Variants in MYB observed in about 807,000 individuals in gnomAD.
MYB encodes MYB proto-oncogene, transcription factor, also known as transcriptional activator Myb.
In MYB, 28 loss-of-function variants were observed where a neutral mutation model predicts 92.9. That is an observed-to-expected ratio of 0.30 (90% CI 0.22 to 0.41). The LOEUF is 0.41. Ranked by LOEUF, MYB falls within the 10% of genes least tolerant of loss-of-function variation. The pLI, the probability that MYB is intolerant of heterozygous loss-of-function variation, is 1.00. For synonymous variants in MYB, 295 were observed against 329.1 expected, an observed-to-expected ratio of 0.90 and a Z score of 1.12; for missense variants, 679 against 929.3, an observed-to-expected ratio of 0.73 and a Z score of 3.50.
chr6:135,210,739 C>A (rs1172279893), intron 15 of MYB, among the ~76,000 whole-genome samples: 1 of 152,162 alleles, frequency 6.6e-6, no homozygotes, highest in Non-Finnish European at 1.5e-5. Flanking sequence ...ATGGAATATC[C>A]TTCACTCATC....
chr6:135,183,954 T>C (rs1363761343), intron 1 of MYB, among the ~76,000 whole-genome samples: 1 of 152,214 alleles, frequency 6.6e-6, no homozygotes, highest in African/African-American at 2.4e-5. Flanking sequence ...GTCATACAGC[T>C]AGGTGGAGGC....
chr6:135,182,896 C>T lies in MYB; in HGVS notation c.23+1360C>T, dbSNP rs1313332129. Among the ~76,000 whole-genome samples the T allele has an allele frequency of 1.3e-5, 2 of 151,814 alleles. No homozygotes were observed. The highest frequency in any genetic ancestry group is 4.8e-5 in the African/African-American group (2 of 41,318). ...ACGAGAGGGCGACTTGGGGGAGCTC[C>T]GGGCTCCCTATGCCTACTCCGGAGC... On this transcript the variant is annotated intron_variant, in intron 1 of 15. Transcript: ENST00000341911. The surrounding 1 kb of genome is among the most constrained non-coding windows in gnomAD (Gnocchi z 5.6).
chr6:135,201,596 AG>A, intron 13 of MYB, 42 bp from the exon 14 acceptor site: 1 of 1,338,310 alleles, frequency 7.5e-7, no homozygotes, highest in Non-Finnish European at 1.1e-6. Context: ...CATGTTTCAT[AG>A]GAAGTTCTAG....
intron 10 of MYB, among the ~76,000 whole-genome samples, chr6:135,197,919 G>A (rs1381220012): frequency 6.6e-6 from 1 of 152,156 alleles, no homozygotes; most frequent in Non-Finnish European, 1.5e-5. Flanking sequence ...TTTTACTAGT[G>A]CAGTTTTTGC....
At position 135,197,165 on chromosome 6, in the gene MYB, G is replaced by A; in HGVS notation, c.1408G>A (p.Ala470Thr). 6.2e-7 allele frequency: 1 copy of A among 1,613,924 alleles called. No individual in the cohort carries two copies. The highest frequency in any genetic ancestry group is 8.5e-7 in the Non-Finnish European group (1 of 1,179,876). Residue 470 changes from alanine to threonine, a missense_variant, in exon 10 of 16, where the codon GCA (alanine) becomes ACA (threonine). By Grantham distance (58) the Ala-to-Thr change is moderately conservative (BLOSUM62 0). Transcript: ENST00000341911. ...TGACCCACCCAAGGTCTTACCTCCT[G>A]CAAGGCACAGCACAATTCCACTGGT... The part of the protein sequence containing the change: ...SLDPPKVLPP[A>T]RHSTIPLVIL...
chr6:135,217,895 G>A lies in MYB; in HGVS notation c.2201G>A (p.Cys734Tyr), dbSNP rs61753805. ...AGCAGTACCTGGGAACCTGCATCCT[G>A]TGGAAAGATGGAGGAGCAGATGACA... ...PCSSTWEPAS[C>Y]GKMEEQMTSS... The change falls in exon 16 of 16, where the codon TGT becomes TAT. Residue 734 changes from cysteine (C) to tyrosine (Y), a missense_variant. By Grantham distance (194) the Cys-to-Tyr change is radical. Coordinates refer to ENST00000341911, the MANE Select transcript of MYB (RefSeq NM_001130173.2). 1.2e-5 allele frequency: 20 copies of A among 1,613,056 alleles called. No individual in the cohort carries two copies. Among genetic ancestry groups the A allele is most frequent in the Admixed American group, 1.7e-5 (1 of 59,938 alleles).
chr6:135,187,725 A>G lies in MYB; in HGVS notation c.142-109A>G, dbSNP rs1776107668. On this transcript the variant is annotated intron_variant, in intron 2 of 15. Transcript: ENST00000341911. ...TTACATTAATATCTCCTGTATTCGG[A>G]TACTTTAGAGAGACTTTTTATTCTA... The G allele has an allele frequency of 9.9e-6, 6 of 606,082 alleles. No homozygotes were observed. The South Asian group carries it at 1.4e-4, about 15-fold the overall frequency. 37.5% of individuals were successfully genotyped at this position (606,082 alleles called of 1,614,324 possible).
Position 135,187,888 on chromosome 6 carries a change from A to G in MYB, c.196A>G (p.Ile66Val). Residue 66 changes from isoleucine (I) to valine (V), a missense_variant, in exon 3 of 16, where the codon ATT becomes GTT. Physicochemically the swap from Ile to Val is conservative, Grantham distance 29 (BLOSUM62 3). Around this residue, in one of 8 missense-constraint regions of MYB, gnomAD observed 88 missense variants for 145.6 expected, o/e 0.60. Coordinates refer to ENST00000341911, the MANE Select transcript of MYB (RefSeq NM_001130173.2). ...EQNGTDDWKV[I>V]ANYLPNRTDV... Reference sequence around the variant, plus strand: ...GAATGGAACAGATGACTGGAAAGTTATTGCCAATTATCTCCCGGTAAGTTA... The same window carrying G: ...GAATGGAACAGATGACTGGAAAGTTGTTGCCAATTATCTCCCGGTAAGTTA... 6.2e-7 allele frequency: 1 copy of G among 1,609,874 alleles called. No homozygotes were observed. The highest frequency in any genetic ancestry group is 1.7e-5 in the Admixed American group (1 of 59,788).
rs751469115 is a variant in MYB at position 135,200,311 on chromosome 6, G to A, written c.1846G>A (p.Val616Ile). The change falls in exon 13 of 16, where the codon GTA (valine) becomes ATA (isoleucine). Residue 616 changes from valine to isoleucine, a missense_variant. Val to Ile is a conservative substitution (Grantham distance 29, BLOSUM62 3). Transcript: ENST00000341911. The stretch of plus-strand genomic sequence containing the variant: ...TTAGCCTCAGACACCCTCTCATCTA[G>A]TAGAAGATCTGCAGGATGTGATCAA... Reference protein sequence around the residue: ...KMLPQTPSHLVEDLQDVIKQE... With the variant: ...KMLPQTPSHLIEDLQDVIKQE... The A allele has an allele frequency of 5.6e-6, 9 of 1,614,108 alleles. No individual in the cohort carries two copies. In the South Asian group the frequency reaches 6.6e-5, roughly 12 times the overall value.
At chr6:135,217,738 G>A in intron 15 of MYB, 126 bp from the exon 16 acceptor site, 1 of 741,590 alleles carries the variant, frequency 1.3e-6, no homozygotes, top group South Asian at 1.5e-5. Flanking sequence ...AGGGAGGTAA[G>A]ATTCTATCTG....
At position 135,197,218 on chromosome 6, in the gene MYB, C is replaced by T; in HGVS notation, c.1461C>T (p.Ala487=). 3 of 1,613,972 alleles carry T rather than the reference C, an allele frequency of 1.9e-6. No individual in the cohort carries two copies. The highest frequency in any genetic ancestry group is 2.5e-6 in the Non-Finnish European group (3 of 1,179,876). Reference sequence around the variant, plus strand: ...TCCTTCGAAAAAAACGGGGCCAGGCCAGCCCCTTAGCCACTGGAGACTGTA... The same window carrying T: ...TCCTTCGAAAAAAACGGGGCCAGGCTAGCCCCTTAGCCACTGGAGACTGTA... ...LVILRKKRGQ[A]SPLATGDCSS... is the part of the protein sequence containing the mutation. Residue 487 remains alanine (A), a synonymous_variant, in exon 10 of 16, where the codon GCC becomes GCT. Coordinates refer to ENST00000341911, the MANE Select transcript of MYB (RefSeq NM_001130173.2).
chr6:135,214,174 C>T (rs1780115399), intron 15 of MYB, among the ~76,000 whole-genome samples: 1 of 151,794 alleles, frequency 6.6e-6, no homozygotes. Context: ...CCCAGCTACT[C>T]AGGAGGCTGA....
chr6:135,196,928 T>C, intron 9 of MYB, 33 bp from the exon 10 acceptor site: 1 of 1,598,008 alleles, frequency 6.3e-7, no homozygotes, highest in Non-Finnish European at 8.5e-7. Flanking sequence ...GCACACACTA[T>C]CTCAAAGTTC....
chr6:135,184,312 G>A (rs1775603941), intron 1 of MYB, among the ~76,000 whole-genome samples: 1 of 147,938 alleles, frequency 6.8e-6, no homozygotes, highest in Admixed American at 6.7e-5. Context: ...TACACCTCTG[G>A]GCTTTATAGC....
At position 135,190,872 on chromosome 6, in the gene MYB, A is replaced by G. The variant is rs1011911003; in HGVS notation, c.527+525A>G. Among the ~76,000 whole-genome samples, 11 of 152,130 alleles carry G rather than the reference A, an allele frequency of 7.2e-5. No individual in the cohort carries two copies. The highest frequency in any genetic ancestry group is 1.7e-4 in the African/African-American group (7 of 41,422). ...AGTGCAGTGGCATGATCATAGCTCA[A>G]TACATCCTTGAACTCCTGGGCTCAA... On this transcript the variant is annotated intron_variant, in intron 5 of 15. Transcript: ENST00000341911. The surrounding 1 kb of genome is among the most constrained non-coding windows in gnomAD (Gnocchi z 4.5).
intron 15 of MYB, among the ~76,000 whole-genome samples, chr6:135,215,083 T>C (rs1483096072): frequency 4.0e-4 from 61 of 152,206 alleles, no homozygotes; most frequent in Admixed American, 4.0e-3. Flanking sequence ...TTTCTATTCA[T>C]AGACAGTGCT....
chr6:135,187,660 G>C (rs1722812969), intron 2 of MYB, among the ~76,000 whole-genome samples, 174 bp from the exon 3 acceptor site: 2 of 152,196 alleles, frequency 1.3e-5, no homozygotes, highest in South Asian at 4.2e-4. Flanking sequence ...TGCCAACTCT[G>C]GTCTGATTCT....
rs1343042048 is a variant in MYB at position 135,186,004 on chromosome 6, G to A, written c.125G>A (p.Arg42Lys). 47 of 1,613,840 alleles carry A rather than the reference G, an allele frequency of 2.9e-5. No homozygotes were observed. The highest frequency in any genetic ancestry group is 1.6e-4 in the Middle Eastern group (1 of 6,062). Residue 42 changes from arginine to lysine, a missense_variant, in exon 2 of 16, where the codon AGG becomes AAG. Arg to Lys is a conservative substitution (Grantham distance 26). Transcript: ENST00000341911. ...GGAAAGCGTCACTTGGGGAAAACAA[G>A]GTGGACCCGGGAAGAGGTAACTAAT... ...KSGKRHLGKT[R>K]WTREEDEKLK...
chr6:135,215,224 C>T (rs1186844899), intron 15 of MYB, among the ~76,000 whole-genome samples: 1 of 152,194 alleles, frequency 6.6e-6, no homozygotes, highest in Non-Finnish European at 1.5e-5. Context: ...ACCACTGTAC[C>T]CATACCTTGT....
Sources: allele counts gnomAD v4.1 joint callset (sites outside exome capture counted in the v4.1 genomes callset), GRCh38; gene constraint gnomAD v4.1.1; regional missense constraint gnomAD v4.1.1; non-coding constraint Gnocchi (gnomAD v3.1); transcripts MANE v1.5; gene names NCBI Gene and HGNC (gene_info 2026-07-23, HGNC 2026-07-21).